Variants in GALNT13 observed in about 807,000 individuals in gnomAD.
The protein encoded by GALNT13 is UDP-GalNAc:polypeptide N-acetylgalactosaminyltransferase 13.
Under a neutral mutation model 64.2 loss-of-function variants are expected in GALNT13, and 28 were observed. The observed-to-expected ratio is 0.44, with a 90% CI of 0.32 to 0.60. The LOEUF (loss-of-function observed/expected upper bound fraction) is 0.60, where lower values mean the gene tolerates loss of function less well. Ranked by LOEUF, GALNT13 falls within the 20% of genes least tolerant of loss-of-function variation. The pLI, the probability that GALNT13 is intolerant of heterozygous loss-of-function variation, is 0.05. For synonymous variants in GALNT13, 214 were observed against 224.6 expected (o/e 0.95, Z 0.42); for missense variants, 577 against 669.8 (o/e 0.86, Z 1.53).
At chr2:154,391,999 T>C (rs1008709381) in intron 9 of GALNT13, among the ~76,000 whole-genome samples, 3 of 152,026 alleles carry the variant, frequency 2.0e-5, no homozygotes, top group Non-Finnish European at 2.9e-5. Flanking sequence ...GAACAACTCA[T>C]GAAAGTTGCA....
intron 8 of GALNT13, among the ~76,000 whole-genome samples, chr2:154,260,088 G>A (rs1221777085): frequency 6.6e-6 from 1 of 151,656 alleles, no homozygotes; most frequent in African/African-American, 2.4e-5. Context: ...GTTTTGCCAT[G>A]TTGCCCAGGG....
At chr2:153,516,027 G>A in the GALNT13 span, among the ~76,000 whole-genome samples, 9 of 152,240 alleles carry the variant, frequency 5.9e-5, no homozygotes, top group Non-Finnish European at 1.0e-4. Flanking sequence ...AAGAAGAACC[G>A]TAGGGGCAAC....
the GALNT13 span, among the ~76,000 whole-genome samples, chr2:153,241,470 T>A: frequency 6.6e-6 from 1 of 152,196 alleles, no homozygotes; most frequent in African/African-American, 2.4e-5. Flanking sequence ...TTTGCCTATG[T>A]TTCCATAAAA....
chr2:153,468,256 T>G, the GALNT13 span, among the ~76,000 whole-genome samples: 1 of 152,094 alleles, frequency 6.6e-6, no homozygotes, highest in Non-Finnish European at 1.5e-5. Flanking sequence ...CACAGCACAT[T>G]AAGCATGAAA....
intron 2 of GALNT13, among the ~76,000 whole-genome samples, chr2:153,905,873 G>A (rs73009807): frequency 0.056 from 8,447 of 151,908 alleles, 344 homozygotes; most frequent in South Asian, 0.13. Flanking sequence ...CAAACACTGT[G>A]ATAACTTTAG....
rs530161551 is a variant in GALNT13, at chr2:154,127,083, TA to T, written c.143-13246del. ...TTTTACGTCTCTGGACTATAAAATT[TA>T]AAAAAAAGTTTCATATTAGTTTAGT... is the stretch of plus-strand genomic sequence containing the variant. On this transcript the variant is annotated intron_variant, in intron 3 of 12. Coordinates refer to ENST00000392825, the MANE Select transcript of GALNT13 (RefSeq NM_052917.4). 2.2e-3 allele frequency among the ~76,000 whole-genome samples: 340 copies of T among 152,012 alleles called. 2 individuals carry two copies. The highest frequency in any genetic ancestry group is 7.4e-3 in the African/African-American group (306 of 41,484).
At chr2:153,082,247 G>T in the GALNT13 span, among the ~76,000 whole-genome samples, 2 of 151,812 alleles carry the variant, frequency 1.3e-5, no homozygotes, top group Non-Finnish European at 2.9e-5. Flanking sequence ...AGATTTTTGT[G>T]CACCTTTCAC....
the GALNT13 span, among the ~76,000 whole-genome samples, chr2:153,728,901 A>C: frequency 6.6e-6 from 1 of 152,226 alleles, no homozygotes; most frequent in Non-Finnish European, 1.5e-5. Flanking sequence ...AAATTGATAA[A>C]TTCCTGGACA....
At chr2:153,248,643 C>G in the GALNT13 span, among the ~76,000 whole-genome samples, 1 of 151,432 alleles carries the variant, frequency 6.6e-6, no homozygotes, top group Non-Finnish European at 1.5e-5. Context: ...GAAACGCCAT[C>G]TCTACTAAAA....
intron 3 of GALNT13, among the ~76,000 whole-genome samples, chr2:154,118,820 T>A (rs1424675): frequency 0.29 from 43,724 of 151,952 alleles, 6,624 homozygotes; most frequent in Non-Finnish European, 0.32. Flanking sequence ...AATTTTATTG[T>A]ATACAACAAC....
At chr2:154,107,969 G>A (rs1401360173) in intron 3 of GALNT13, among the ~76,000 whole-genome samples, 1 of 151,946 alleles carries the variant, frequency 6.6e-6, no homozygotes, top group Non-Finnish European at 1.5e-5. Flanking sequence ...TTGTCATTGG[G>A]TATATATACC....
At chr2:153,550,570 T>C in the GALNT13 span, among the ~76,000 whole-genome samples, 2 of 152,164 alleles carry the variant, frequency 1.3e-5, no homozygotes, top group African/African-American at 4.8e-5. Flanking sequence ...TGCAGAGCAC[T>C]GTTCCCTGGC....
chr2:153,554,527 A>C, the GALNT13 span, among the ~76,000 whole-genome samples: 1 of 152,168 alleles, frequency 6.6e-6, no homozygotes, highest in African/African-American at 2.4e-5. Context: ...ATTTTTTCAA[A>C]GTATATTTGA....
At chr2:153,805,184 A>C in the GALNT13 span, among the ~76,000 whole-genome samples, 3 of 151,996 alleles carry the variant, frequency 2.0e-5, no homozygotes, top group African/African-American at 7.2e-5. Flanking sequence ...ATTGGTAGTC[A>C]AAGAAAGCTC....
chr2:153,170,518 A>G, the GALNT13 span, among the ~76,000 whole-genome samples: 1 of 152,208 alleles, frequency 6.6e-6, no homozygotes, highest in African/African-American at 2.4e-5. Context: ...ATTTCTGACA[A>G]TAGATAGCAA....
Position 154,032,791 on chromosome 2 carries a change from C to T in GALNT13, c.142+88152C>T, listed in dbSNP as rs565249113. On this transcript the variant is annotated intron_variant, in intron 3 of 12. Transcript: ENST00000392825. ...AGACACTTATTATAGAAATAACTGG[C>T]ATCATATTTATTAGTGGAAAGCTCA... Among the ~76,000 whole-genome samples, 24 of 149,698 alleles carry T rather than the reference C, an allele frequency of 1.6e-4. No homozygotes were observed. The South Asian group carries it at 4.4e-3, about 28-fold the overall frequency.
the GALNT13 span, among the ~76,000 whole-genome samples, chr2:153,755,727 T>A: frequency 6.6e-6 from 1 of 152,142 alleles, no homozygotes; most frequent in Non-Finnish European, 1.5e-5. Flanking sequence ...GTTTCTTTTG[T>A]TGTGTATTTT....
At chr2:153,433,382 A>G in the GALNT13 span, among the ~76,000 whole-genome samples, 1 of 152,162 alleles carries the variant, frequency 6.6e-6, no homozygotes, top group Non-Finnish European at 1.5e-5. Context: ...GTGGACAATT[A>G]TATGTAACAC....
At chr2:153,218,104 A>G in the GALNT13 span, among the ~76,000 whole-genome samples, 1 of 152,172 alleles carries the variant, frequency 6.6e-6, no homozygotes, top group Non-Finnish European at 1.5e-5. Context: ...GATGGGAGCC[A>G]GGTTTTCTCA....
Sources: allele counts gnomAD v4.1 joint callset (sites outside exome capture counted in the v4.1 genomes callset), GRCh38; gene constraint gnomAD v4.1.1; transcripts MANE v1.5; gene names NCBI Gene and HGNC (gene_info 2026-07-23, HGNC 2026-07-21).